HECA: variants seen among roughly 807,000 people sequenced by gnomAD.
HECA encodes the protein HECA ribonucleoprotein granule regulator.
Under a neutral mutation model 37.6 loss-of-function variants are expected in HECA, and 13 were observed. The observed-to-expected ratio is 0.35, with a 90% confidence interval of 0.23 to 0.55. HECA has a LOEUF of 0.55. Ranked by LOEUF, HECA falls within the 20% of genes least tolerant of loss-of-function variation. The pLI is 0.90. For missense variants in HECA, 527 were observed against 701.9 expected, an observed-to-expected ratio of 0.75 and a Z score of 2.82; for synonymous variants, 307 against 291.5, an observed-to-expected ratio of 1.05 and a Z score of -0.54.
chr6:139,135,477 CG>C lies in HECA; in HGVS notation c.85del (p.Ala29ProfsTer70). On this transcript the variant is annotated frameshift_variant, in exon 1 of 4. Transcript: ENST00000367658. LOFTEE classifies it high-confidence loss of function. ...GCGGCGACGAGCAGGAAAATGGAGC[CG>C]GGGCCCTGGCAGCGGCGGGCGCGGC... ...SSGDEQENGAGALAAAGAAGA... is the reference protein window; with the variant it reads ...SSGDEQENGAXALAAAGAAGA... The C allele has an allele frequency of 1.6e-6, 2 of 1,248,874 alleles. No individual in the cohort carries two copies. The highest frequency in any genetic ancestry group is 4.7e-5 in the East Asian group (1 of 21,242). 77.4% of individuals were successfully genotyped at this position (1,248,874 alleles called of 1,614,324 possible).
At chr6:139,156,752 T>A (rs1386301356) in intron 1 of HECA, among the ~76,000 whole-genome samples, 1 of 152,252 alleles carries the variant, frequency 6.6e-6, no homozygotes, top group Non-Finnish European at 1.5e-5. Flanking sequence ...TTCCGCATAC[T>A]CTATCCTTAG....
Position 139,176,499 on chromosome 6 carries a change from A to C in HECA, c.1468-442A>C, listed in dbSNP as rs976117390. Among the ~76,000 whole-genome samples the C allele has an allele frequency of 4.6e-5, 7 of 152,212 alleles. No homozygotes were observed. Among genetic ancestry groups the C allele is most frequent in the African/African-American group, 1.7e-4 (7 of 41,440 alleles). On this transcript the variant is annotated intron_variant, in intron 3 of 3. Coordinates refer to ENST00000367658, the MANE Select transcript of HECA (RefSeq NM_016217.3). The surrounding 1 kb of genome is among the most constrained non-coding windows in gnomAD (Gnocchi z 4.5). ...TCCAGAAGCCTCAGACCAGCACCGC[A>C]CTTCCTGGATTGCTAATTTTACTTG...
Position 139,135,557 on chromosome 6 carries a change from C to T in HECA, c.161C>T (p.Ala54Val), listed in dbSNP as rs1774421573. 1.0e-6 allele frequency: 1 copy of T among 973,900 alleles called. No homozygotes were observed. Among genetic ancestry groups the T allele is most frequent in the Non-Finnish European group, 1.2e-6 (1 of 824,710 alleles). The allele number at this position is 973,900 out of a possible 1,614,324, so 60.3% of individuals were successfully genotyped here. A position where few individuals can be genotyped will look rare whatever the true frequency, so the allele number is the denominator to read the frequency against. Reference protein sequence around the residue: ...LAAAAGCGAAAAGAPGAGGAA... With the variant: ...LAAAAGCGAAVAGAPGAGGAA... Reference sequence around the variant, plus strand: ...GCGGCGGCCGGTTGCGGGGCGGCGGCGGCGGGCGCGCCGGGCGCCGGAGGC... The same window carrying T: ...GCGGCGGCCGGTTGCGGGGCGGCGGTGGCGGGCGCGCCGGGCGCCGGAGGC... Residue 54 changes from alanine (A) to valine (V), a missense_variant, in exon 1 of 4, where the codon GCG becomes GTG. Transcript: ENST00000367658.
intron 1 of HECA, among the ~76,000 whole-genome samples, chr6:139,149,276 A>G (rs919860205): frequency 1.3e-5 from 2 of 152,168 alleles, no homozygotes; most frequent in Non-Finnish European, 2.9e-5. Flanking sequence ...GAGATTTGGG[A>G]GACACAGGTT....
intron 1 of HECA, among the ~76,000 whole-genome samples, chr6:139,154,731 C>T (rs777007156): frequency 6.6e-6 from 1 of 152,168 alleles, no homozygotes; most frequent in East Asian, 1.9e-4. Context: ...TGGGGCTCAT[C>T]AAGAGAGAAG....
chr6:139,167,777 G>A (rs1774912373), intron 2 of HECA, among the ~76,000 whole-genome samples: 1 of 152,214 alleles, frequency 6.6e-6, no homozygotes, highest in Non-Finnish European at 1.5e-5. Context: ...TGAAAGATGA[G>A]AGTGTGTTGA....
chr6:139,156,112 C>A (rs1774708673), intron 1 of HECA, among the ~76,000 whole-genome samples: 1 of 151,098 alleles, frequency 6.6e-6, no homozygotes, highest in Non-Finnish European at 1.5e-5. Context: ...GTGAACTCTT[C>A]TTGTTGCTAG....
Position 139,177,011 on chromosome 6 carries a change from A to C in HECA, c.1538A>C (p.Glu513Ala). Residue 513 changes from glutamate (E) to alanine (A), a missense_variant, in exon 4 of 4, where the codon GAA becomes GCA. Coordinates refer to ENST00000367658, the MANE Select transcript of HECA (RefSeq NM_016217.3). This position sits in a 1 kb window ranked among gnomAD's most constrained non-coding sequence, Gnocchi z 4.9. The stretch of plus-strand genomic sequence containing the variant: ...AGGATCGGGATGCAGTACTTCTCCG[A>C]ATATAGCAACGTCCAGCAGTGTCCA... ...DVRIGMQYFS[E>A]YSNVQQCPHC... The C allele has an allele frequency of 1.1e-6, 1 of 872,860 alleles. No individual in the cohort carries two copies. The highest frequency in any genetic ancestry group is 2.2e-4 in the Middle Eastern group (1 of 4,612). The allele number at this position is 872,860 out of a possible 1,614,324, so 54.1% of individuals were successfully genotyped here. A position where few individuals can be genotyped will look rare whatever the true frequency, so the allele number is the denominator to read the frequency against.
At chr6:139,137,399 A>AT (rs915078498) in intron 1 of HECA, among the ~76,000 whole-genome samples, 1 of 152,132 alleles carries the variant, frequency 6.6e-6, no homozygotes, top group African/African-American at 2.4e-5. Context: ...AGTTCTTGTT[A>AT]TTTTAAAGGT....
chr6:139,148,012 A>G (rs1298115926), intron 1 of HECA, among the ~76,000 whole-genome samples: 1 of 152,222 alleles, frequency 6.6e-6, no homozygotes, highest in African/African-American at 2.4e-5. Context: ...ATGAAAAATC[A>G]CATCTCATTG....
In HECA at chr6:139,166,847, A is replaced by G. The variant is rs372025459; in HGVS notation, c.835A>G (p.Ile279Val). ...CCAGTCCCCACCCACGGGCTACTCC[A>G]TCCTCTCTCCTGCCCACTTCAGCGG... ...PGQSPPTGYS[I>V]LSPAHFSGPR... Residue 279 changes from isoleucine (I) to valine (V), a missense_variant, in exon 2 of 4, where the codon ATC becomes GTC. Ile to Val is a conservative substitution (Grantham distance 29). Around this residue, in one of 4 missense-constraint regions of HECA, gnomAD observed 228 missense variants for 259.8 expected, o/e 0.88. Transcript: ENST00000367658. 3.0e-5 allele frequency: 49 copies of G among 1,613,770 alleles called. No individual in the cohort carries two copies. Among genetic ancestry groups the G allele is most frequent in the Non-Finnish European group, 3.9e-5 (46 of 1,179,976 alleles).
intron 1 of HECA, among the ~76,000 whole-genome samples, chr6:139,156,831 A>G (rs1229700945): frequency 6.6e-6 from 1 of 152,220 alleles, no homozygotes; most frequent in Non-Finnish European, 1.5e-5. Flanking sequence ...AAATGCAGTC[A>G]TGCTTCATGA....
chr6:139,173,287 C>G (rs185589407), intron 2 of HECA, among the ~76,000 whole-genome samples: 18 of 152,324 alleles, frequency 1.2e-4, no homozygotes, highest in African/African-American at 4.1e-4. Context: ...CCAACATACA[C>G]TTATAAAGTG....
chr6:139,143,859 CAAAAAA>C (rs59382752), intron 1 of HECA, among the ~76,000 whole-genome samples: 148 of 135,410 alleles, frequency 1.1e-3, no homozygotes, highest in Middle Eastern at 4.0e-3. Context: ...GACTCTGTCT[CAAAAAA>C]AAAAAAAAAA....
intron 1 of HECA, among the ~76,000 whole-genome samples, chr6:139,144,822 A>G (rs779561671): frequency 5.9e-5 from 9 of 152,246 alleles, no homozygotes; most frequent in Non-Finnish European, 1.0e-4. Context: ...TTTTCTGCCC[A>G]GGATGACAGT....
intron 1 of HECA, chr6:139,153,210 T>C (rs111742918): frequency 7.4e-6 from 1 of 136,042 alleles, no homozygotes; most frequent in South Asian, 2.3e-4. Flanking sequence ...TATTAATCAA[T>C]CAAACTTTTT....
chr6:139,135,676 G>A lies in HECA; in HGVS notation c.271+9G>A, dbSNP rs565804175. On this transcript the variant is annotated intron_variant, in intron 1 of 3. Coordinates refer to ENST00000367658, the MANE Select transcript of HECA (RefSeq NM_016217.3). Reference sequence around the variant, plus strand: ...GGGCGATGCCAAAAACGGTAAGACGGGGCTGGCGGGGCGAGCGCCAACTTC... The same window carrying A: ...GGGCGATGCCAAAAACGGTAAGACGAGGCTGGCGGGGCGAGCGCCAACTTC... 3.8e-5 allele frequency: 37 copies of A among 980,774 alleles called. No individual in the cohort carries two copies. The highest frequency in any genetic ancestry group is 4.0e-5 in the Non-Finnish European group (33 of 824,982). The allele number at this position is 980,774 out of a possible 1,614,324, so 60.8% of individuals were successfully genotyped here. A position where few individuals can be genotyped will look rare whatever the true frequency, so the allele number is the denominator to read the frequency against.
At position 139,135,742 on chromosome 6, in the gene HECA, C is replaced by T. The variant is rs932186550; in HGVS notation, c.271+75C>T. 5 of 622,418 alleles carry T rather than the reference C, an allele frequency of 8.0e-6. No homozygotes were observed. In the Admixed American group the frequency reaches 2.5e-4, roughly 32 times the overall value. The allele number at this position is 622,418 out of a possible 1,614,324, so 38.6% of individuals were successfully genotyped here. On this transcript the variant is annotated intron_variant, in intron 1 of 3. Coordinates refer to ENST00000367658, the MANE Select transcript of HECA (RefSeq NM_016217.3). ...GGCGCGGTGGCGGGGCCCTGGGTGG[C>T]GCGGGCGGTGCGTGGACAATGCGAG...
intron 1 of HECA, among the ~76,000 whole-genome samples, chr6:139,145,132 T>G (rs775576856): frequency 1.3e-5 from 2 of 152,250 alleles, no homozygotes; most frequent in Admixed American, 6.5e-5. Context: ...AACAATAAAC[T>G]CTGGTGAGGG....
Sources: allele counts gnomAD v4.1 joint callset (sites outside exome capture counted in the v4.1 genomes callset), GRCh38; gene constraint gnomAD v4.1.1; regional missense constraint gnomAD v4.1.1; non-coding constraint Gnocchi (gnomAD v3.1); transcripts MANE v1.5; gene names NCBI Gene and HGNC (gene_info 2026-07-23, HGNC 2026-07-21).